The following TAFA4 variants were observed in gnomAD, a reference collection of about 807,000 sequenced individuals.
The protein encoded by TAFA4 is chemokine-like protein TAFA-4.
Under a neutral mutation model 21.1 loss-of-function variants are expected in TAFA4, and 20 were observed. The ratio of observed to expected loss-of-function variants is 0.95; its 90% CI spans 0.67 to 1.38. The LOEUF is 1.38. Ranked by LOEUF, TAFA4 falls within the 40% of genes most tolerant of loss-of-function variation. The pLI, the probability that TAFA4 is intolerant of heterozygous loss-of-function variation, is 0.00. For synonymous variants in TAFA4, 71 were observed against 67.4 expected, an observed-to-expected ratio of 1.05 and a Z score of -0.26; for missense variants, 211 against 180.9, an observed-to-expected ratio of 1.17 and a Z score of -0.95.
At chr3:68,869,448 T>A (rs529688841) in intron 3 of TAFA4, among the ~76,000 whole-genome samples, 1 of 152,050 alleles carries the variant, frequency 6.6e-6, no homozygotes, top group South Asian at 2.1e-4. Context: ...AACACAGATG[T>A]AAACGTCCTC....
intron 1 of TAFA4, chr3:68,913,651 G>A (rs2089980168): frequency 6.6e-6 from 1 of 152,256 alleles, no homozygotes; most frequent in Non-Finnish European, 1.5e-5. Context: ...TCAATTTACA[G>A]TGCTGTTTGT....
intron 3 of TAFA4, among the ~76,000 whole-genome samples, chr3:68,842,832 T>G (rs1038705989): frequency 2.6e-5 from 4 of 152,152 alleles, no homozygotes; most frequent in Admixed American, 6.6e-5. Context: ...TTTGTCAAGT[T>G]TGTCAAAGAT....
Position 68,885,295 on chromosome 3 carries a change from T to C in TAFA4, c.-107A>G, listed in dbSNP as rs2089659619. 4 of 1,031,748 alleles carry C rather than the reference T, an allele frequency of 3.9e-6. No individual in the cohort carries two copies. In the Admixed American group the frequency reaches 7.3e-5, roughly 19 times the overall value. The allele number at this position is 1,031,748 out of a possible 1,614,324, so 63.9% of individuals were successfully genotyped here. On this transcript the variant is annotated 5_prime_UTR_variant, in exon 2 of 6. Transcript: ENST00000295569. ...TCATTTCTGCCGTTCCAAAAAATTA[T>C]CGTAGCTCAGAAGACCTATGTTAAA...
At chr3:68,889,833 G>T (rs1022990640) in intron 1 of TAFA4, among the ~76,000 whole-genome samples, 1 of 152,124 alleles carries the variant, frequency 6.6e-6, no homozygotes, top group Non-Finnish European at 1.5e-5. Context: ...CAAGAAACAT[G>T]GCAACCAAAT....
intron 1 of TAFA4, among the ~76,000 whole-genome samples, chr3:68,924,244 T>C (rs1366104113): frequency 6.6e-6 from 1 of 152,164 alleles, no homozygotes; most frequent in African/African-American, 2.4e-5. Flanking sequence ...CAAATGTCCA[T>C]TGAAGGACAA....
At chr3:68,846,323 G>A (rs1387007321) in intron 3 of TAFA4, among the ~76,000 whole-genome samples, 2 of 151,788 alleles carry the variant, frequency 1.3e-5, no homozygotes, top group Non-Finnish European at 2.9e-5. Flanking sequence ...TGATACTTGT[G>A]TACGCTTCAG....
chr3:68,835,856 T>C (rs1191880861), intron 3 of TAFA4, among the ~76,000 whole-genome samples: 2 of 152,230 alleles, frequency 1.3e-5, no homozygotes, highest in Non-Finnish European at 2.9e-5. Context: ...CTCCTTCCTC[T>C]AGATAATTTC....
rs1165889010 is a variant in TAFA4 at position 68,885,209 on chromosome 3, C to G, written c.-21G>C. The G allele has an allele frequency of 4.3e-6, 7 of 1,611,244 alleles. No homozygotes were observed. Among genetic ancestry groups the G allele is most frequent in the Non-Finnish European group, 5.9e-6 (7 of 1,178,564 alleles). ...CTCATAAGATGTGGTTCTAGTCAAA[C>G]ACACTTATTCCAGGATATATTTCAG... On this transcript the variant is annotated 5_prime_UTR_variant, in exon 2 of 6. Transcript: ENST00000295569.
At chr3:68,902,990 T>C (rs1028198037) in intron 1 of TAFA4, among the ~76,000 whole-genome samples, 5 of 144,216 alleles carry the variant, frequency 3.5e-5, no homozygotes, top group African/African-American at 5.3e-5. Context: ...ATTTCTATAA[T>C]AGACGAAAGG....
chr3:68,774,965 T>A (rs867312232), intron 3 of TAFA4, among the ~76,000 whole-genome samples: 1 of 152,192 alleles, frequency 6.6e-6, no homozygotes, highest in African/African-American at 2.4e-5. Flanking sequence ...ATTCCCATCA[T>A]AACAACAAAG....
In TAFA4 at chr3:68,733,162, A is replaced by T. The variant is rs771192908; in HGVS notation, c.412-9T>A. On this transcript the variant is annotated splice_polypyrimidine_tract_variant and intron_variant, in intron 5 of 5. Transcript: ENST00000295569. ...CTTCGCTACCGCGTTACCTAAAACA[A>T]ATCAAAATAAGGGAACATTCAACAC... 43 of 1,612,940 alleles carry T rather than the reference A, an allele frequency of 2.7e-5. No individual in the cohort carries two copies. The Admixed American group carries it at 6.2e-4, about 23-fold the overall frequency.
chr3:68,761,330 A>T (rs9850804), intron 3 of TAFA4, among the ~76,000 whole-genome samples: 1 of 151,782 alleles, frequency 6.6e-6, no homozygotes, highest in Non-Finnish European at 1.5e-5. Flanking sequence ...TAACACTGAA[A>T]AAAATGAGCA....
intron 3 of TAFA4, among the ~76,000 whole-genome samples, chr3:68,792,353 G>C (rs1703377932): frequency 6.6e-6 from 1 of 152,080 alleles, no homozygotes; most frequent in Admixed American, 6.6e-5. Flanking sequence ...CCCTCAATGA[G>C]TCAATGAAAA....
At chr3:68,754,382 T>C (rs1702619992) in intron 3 of TAFA4, among the ~76,000 whole-genome samples, 1 of 152,262 alleles carries the variant, frequency 6.6e-6, no homozygotes, top group African/African-American at 2.4e-5. Flanking sequence ...TCTTTCTTTC[T>C]TGACCTTGAC....
chr3:68,767,948 T>TAA (rs138206792), intron 3 of TAFA4, among the ~76,000 whole-genome samples: 14,279 of 150,420 alleles, frequency 0.095, 838 homozygotes, highest in African/African-American at 0.16. Flanking sequence ...ATTTTCAGGT[T>TAA]AAAAAAAAAA....
At chr3:68,877,353 C>T (rs945250524) in intron 3 of TAFA4, among the ~76,000 whole-genome samples, 2 of 152,050 alleles carry the variant, frequency 1.3e-5, no homozygotes, top group Non-Finnish European at 2.9e-5. Flanking sequence ...AGGGAGACTC[C>T]ATCTCAAAAA....
intron 3 of TAFA4, 147 bp downstream of exon 3, chr3:68,880,583 T>C (rs565223443): frequency 6.6e-6 from 4 of 601,752 alleles, no homozygotes; most frequent in African/African-American, 3.8e-5. Context: ...ACCATTAAAC[T>C]GTGTTACTCC....
At chr3:68,775,293 G>A (rs1703029291) in intron 3 of TAFA4, among the ~76,000 whole-genome samples, 1 of 152,168 alleles carries the variant, frequency 6.6e-6, no homozygotes, top group African/African-American at 2.4e-5. Context: ...AGACTCACTA[G>A]GCAGTGTAGG....
At chr3:68,798,343 C>T (rs1236650032) in intron 3 of TAFA4, among the ~76,000 whole-genome samples, 2 of 152,072 alleles carry the variant, frequency 1.3e-5, no homozygotes, top group African/African-American at 4.8e-5. Context: ...AATTATGGAG[C>T]AAAGAAAATG....
Sources: gnomAD v4.1 joint callset for allele counts (sites outside exome capture counted in the v4.1 genomes callset) on GRCh38, gnomAD v4.1.1 for gene constraint, MANE v1.5 for transcripts, NCBI Gene and HGNC (gene_info 2026-07-23, HGNC 2026-07-21) for gene names.